PTPRD: variants seen among roughly 807,000 people sequenced by gnomAD.
The protein encoded by PTPRD is protein tyrosine phosphatase receptor type D.
In PTPRD, 34 loss-of-function variants were observed where a neutral mutation model predicts 214.5. That is an observed-to-expected ratio of 0.16 (90% CI 0.12 to 0.21). The LOEUF (loss-of-function observed/expected upper bound fraction) is 0.21, where lower values mean the gene tolerates loss of function less well. PTPRD is among the 10% of genes least tolerant of loss of function. The probability of loss-of-function intolerance (pLI) is 1.00; values close to 1 mark genes in which losing one functional copy is unlikely to be tolerated. For missense variants in PTPRD, 2,545 were observed against 2,398.7 expected, an observed-to-expected ratio of 1.06 and a Z score of -1.27; for synonymous variants, 1,128 against 845.7, an observed-to-expected ratio of 1.33 and a Z score of -5.79.
intron 14 of PTPRD, among the ~76,000 whole-genome samples, chr9:8,614,791 T>A (rs1281779068): frequency 6.6e-6 from 1 of 152,124 alleles, no homozygotes; most frequent in African/African-American, 2.4e-5. Context: ...AAGTATCTGT[T>A]AGCCAAAGTC....
intron 2 of PTPRD, among the ~76,000 whole-genome samples, chr9:10,556,590 T>C (rs530607575): frequency 6.6e-6 from 1 of 152,116 alleles, no homozygotes; most frequent in Admixed American, 6.5e-5. Flanking sequence ...TTCCTGTTTT[T>C]AATCCCTAGG....
intron 11 of PTPRD, among the ~76,000 whole-genome samples, chr9:8,748,215 G>A (rs1382511961): frequency 1.3e-5 from 2 of 152,072 alleles, no homozygotes; most frequent in African/African-American, 4.8e-5. Context: ...AGGACTAGCT[G>A]GATTTCCTAG....
At chr9:9,094,049 T>G (rs368232108) in intron 10 of PTPRD, among the ~76,000 whole-genome samples, 140 of 152,232 alleles carry the variant, frequency 9.2e-4, no homozygotes, top group African/African-American at 3.3e-3. Flanking sequence ...ATACATAAGT[T>G]CAACAACTTA....
At chr9:10,370,087 A>G (rs1233678176) in intron 2 of PTPRD, among the ~76,000 whole-genome samples, 1 of 152,128 alleles carries the variant, frequency 6.6e-6, no homozygotes, top group Non-Finnish European at 1.5e-5. Flanking sequence ...ATGAGGTCTT[A>G]CAGCTCACAA....
intron 12 of PTPRD, among the ~76,000 whole-genome samples, chr9:8,714,991 A>G (rs12375677): frequency 0.46 from 70,281 of 151,598 alleles, 16,485 homozygotes; most frequent in Middle Eastern, 0.52. Context: ...TCAAAAGCCT[A>G]GAATAAAAAG....
At chr9:9,276,000 T>C (rs1157772079) in intron 9 of PTPRD, among the ~76,000 whole-genome samples, 2 of 151,364 alleles carry the variant, frequency 1.3e-5, no homozygotes, top group Non-Finnish European at 1.5e-5. Flanking sequence ...GAATTTATTA[T>C]AACAAATTTC....
chr9:10,215,016 G>C lies in PTPRD; in HGVS notation c.-545+125947C>G, dbSNP rs549462733. Among the ~76,000 whole-genome samples, 31 of 152,118 alleles carry C rather than the reference G, an allele frequency of 2.0e-4. 1 individual carries two copies. In the Middle Eastern group the frequency reaches 0.01, roughly 50 times the overall value. ...TTCGGACAGGTGGAATCTTACATTG[G>C]ACAATGAAGTAGAAGCTGATTCCAT... On this transcript the variant is annotated intron_variant, in intron 3 of 45. Coordinates refer to ENST00000381196, the MANE Select transcript of PTPRD (RefSeq NM_002839.4).
intron 12 of PTPRD, among the ~76,000 whole-genome samples, chr9:8,653,372 T>G (rs1315369046): frequency 6.6e-6 from 1 of 152,098 alleles, no homozygotes; most frequent in Admixed American, 6.6e-5. Context: ...TTAGACTGGA[T>G]TACATACAAA....
chr9:9,989,016 CAAAAAAAAAAAAAAAAA>C (rs397836899), intron 4 of PTPRD, among the ~76,000 whole-genome samples: 1 of 36,288 alleles, frequency 2.8e-5, no homozygotes, highest in South Asian at 1.6e-3. Context: ...TTTCACTGAC[CAAAAAAAAAAAAAAAAA>C]AAAAAAAAAA....
intron 44 of PTPRD, among the ~76,000 whole-genome samples, chr9:8,326,579 C>G (rs1029774095): frequency 6.6e-6 from 1 of 151,528 alleles, no homozygotes; most frequent in African/African-American, 2.4e-5. Flanking sequence ...TGATGCTGGC[C>G]TCATAAAATG....
chr9:9,836,183 C>A (rs1452776465), intron 5 of PTPRD, among the ~76,000 whole-genome samples: 1 of 152,056 alleles, frequency 6.6e-6, no homozygotes, highest in Admixed American at 6.6e-5. Context: ...CAAGGCAGCT[C>A]GTGGAAGAAA....
intron 5 of PTPRD, among the ~76,000 whole-genome samples, chr9:9,876,690 G>A (rs756313741): frequency 1.3e-5 from 2 of 152,052 alleles, no homozygotes; most frequent in African/African-American, 2.4e-5. Flanking sequence ...GTCATTTTGG[G>A]AGCTCTTTCT....
intron 2 of PTPRD, among the ~76,000 whole-genome samples, chr9:10,565,078 C>G (rs2065195658): frequency 6.6e-6 from 1 of 151,998 alleles, no homozygotes; most frequent in Non-Finnish European, 1.5e-5. Context: ...TATTGCTCAT[C>G]ATTTGCCTAC....
intron 11 of PTPRD, among the ~76,000 whole-genome samples, chr9:8,856,607 T>C (rs1449242248): frequency 1.3e-5 from 2 of 152,106 alleles, no homozygotes; most frequent in Non-Finnish European, 2.9e-5. Context: ...CCTAGATACT[T>C]AAGGTGCAAA....
At chr9:10,565,710 T>A (rs554963617) in intron 2 of PTPRD, among the ~76,000 whole-genome samples, 5 of 152,204 alleles carry the variant, frequency 3.3e-5, no homozygotes, top group African/African-American at 1.2e-4. Context: ...ACTATAGCCC[T>A]AAGTTTTCTC....
intron 14 of PTPRD, among the ~76,000 whole-genome samples, chr9:8,607,034 A>G (rs114443533): frequency 1.4e-3 from 217 of 152,336 alleles, no homozygotes; most frequent in African/African-American, 5.0e-3. Flanking sequence ...CTGGGGCTGC[A>G]GGGTTTGGAA....
rs113884408 is a variant in PTPRD at position 8,818,371 on chromosome 9, G to C, written c.-103-84425C>G. On this transcript the variant is annotated intron_variant, in intron 11 of 45. Coordinates refer to ENST00000381196, the MANE Select transcript of PTPRD (RefSeq NM_002839.4). The stretch of plus-strand genomic sequence containing the variant: ...AAAAGAAGAAAATAGGGTTAATTTG[G>C]TTTAATAACTTATTTATAATACTGC... Among the ~76,000 whole-genome samples, 92 of 152,200 alleles carry C rather than the reference G, an allele frequency of 6.0e-4. 1 individual carries two copies. The highest frequency in any genetic ancestry group is 2.1e-3 in the African/African-American group (86 of 41,536).
intron 9 of PTPRD, among the ~76,000 whole-genome samples, chr9:9,320,257 C>CT (rs1032046414): frequency 9.9e-5 from 15 of 151,352 alleles, no homozygotes; most frequent in East Asian, 7.8e-4. Context: ...GGAAGACCTA[C>CT]TTTTTTTTTC....
intron 4 of PTPRD, among the ~76,000 whole-genome samples, chr9:9,991,832 C>CCACACACACACACACACA (rs56267970): frequency 6.8e-6 from 1 of 147,532 alleles, no homozygotes; most frequent in Non-Finnish European, 1.5e-5. Flanking sequence ...TTCAACAGCA[C>CCACACACACACACACACA]CACACACACA....
Sources: gnomAD v4.1 joint callset for allele counts (sites outside exome capture counted in the v4.1 genomes callset) on GRCh38, gnomAD v4.1.1 for gene constraint, MANE v1.5 for transcripts, NCBI Gene and HGNC (gene_info 2026-07-23, HGNC 2026-07-21) for gene names.